The following ARHGEF10 variants were observed in gnomAD, a reference collection of about 807,000 sequenced individuals.
The protein encoded by ARHGEF10 is Rho guanine nucleotide exchange factor (GEF) 10.
A neutral mutation model predicts 147.4 loss-of-function variants in ARHGEF10; 140 were observed. The observed-to-expected ratio is 0.95, with a 90% CI of 0.83 to 1.09. The LOEUF (loss-of-function observed/expected upper bound fraction) is 1.09, where lower values mean the gene tolerates loss of function less well. Ranked by LOEUF, ARHGEF10 falls within the 50% of genes least tolerant of loss-of-function variation. The pLI, the probability that ARHGEF10 is intolerant of heterozygous loss-of-function variation, is 0.00. For missense variants in ARHGEF10, 2,222 were observed against 1,752.7 expected, an observed-to-expected ratio of 1.27 and a Z score of -4.78; for synonymous variants, 902 against 695.8, an observed-to-expected ratio of 1.30 and a Z score of -4.67.
intron 1 of ARHGEF10, among the ~76,000 whole-genome samples, 168 bp downstream of exon 1, chr8:1,824,281 C>A (rs1486699600): frequency 6.6e-6 from 1 of 151,978 alleles, no homozygotes; most frequent in Non-Finnish European, 1.5e-5. Flanking sequence ...CCCCCTCCCC[C>A]CGAGCAGCTC....
At chr8:1,829,765 C>A (rs533800552) in intron 1 of ARHGEF10, among the ~76,000 whole-genome samples, 1 of 152,262 alleles carries the variant, frequency 6.6e-6, no homozygotes, top group East Asian at 1.9e-4. Context: ...CGCTGCACGG[C>A]GGCGCAGCGC....
At chr8:1,953,042 T>A (rs1427101082) in intron 28 of ARHGEF10, among the ~76,000 whole-genome samples, 4 of 152,296 alleles carry the variant, frequency 2.6e-5, no homozygotes, top group African/African-American at 9.6e-5. Flanking sequence ...AGGAGAATCT[T>A]ATGTTTTTAT....
At chr8:1,831,836 T>C (rs1803130476) in intron 1 of ARHGEF10, among the ~76,000 whole-genome samples, 1 of 152,226 alleles carries the variant, frequency 6.6e-6, no homozygotes. Flanking sequence ...CAGCTTTTTC[T>C]CATTCTCACC....
chr8:1,871,105 T>G (rs1014541323), intron 7 of ARHGEF10: 80 of 92,528 alleles, frequency 8.6e-4, no homozygotes, highest in Non-Finnish European at 1.2e-3. Flanking sequence ...GAGTGAAAAC[T>G]CTGTGTCAAA....
In ARHGEF10 at chr8:1,952,744, A is replaced by G. The variant is rs1164808350; in HGVS notation, c.3437A>G (p.His1146Arg). 6.2e-7 allele frequency: 1 copy of G among 1,613,220 alleles called. No homozygotes were observed. The highest frequency in any genetic ancestry group is 8.5e-7 in the Non-Finnish European group (1 of 1,180,008). The change falls in exon 28 of 29, where the codon CAC becomes CGC. Residue 1146 changes from histidine (H) to arginine (R), a missense_variant. Transcript: ENST00000349830. Reference sequence around the variant, plus strand: ...TCGGTGACGAGCCTGCTCGTCTGCCACGGATTGCTGATGGTCGGCACCAGC... The same window carrying G: ...TCGGTGACGAGCCTGCTCGTCTGCCGCGGATTGCTGATGGTCGGCACCAGC... ...RLSVTSLLVC[H>R]GLLMVGTSLG...
Position 1,860,079 on chromosome 8 carries a change from T to G in ARHGEF10, c.376T>G (p.Leu126Val). 2.5e-6 allele frequency: 4 copies of G among 1,614,086 alleles called. No individual in the cohort carries two copies. The highest frequency in any genetic ancestry group is 3.4e-6 in the Non-Finnish European group (4 of 1,179,956). The change falls in exon 4 of 29, where the codon TTG becomes GTG. Residue 126 changes from leucine (L) to valine (V), a missense_variant. Coordinates refer to ENST00000349830, the MANE Select transcript of ARHGEF10 (RefSeq NM_014629.4). Reference protein sequence around the residue: ...NVGLHVPCGYLVPVPCGYAVP... With the variant: ...NVGLHVPCGYVVPVPCGYAVP... ...GGGTCTCCATGTGCCCTGCGGGTAC[T>G]TGGTGCCTGTACCCTGCGGCTATGC... is the stretch of plus-strand genomic sequence containing the variant.
At chr8:1,924,246 C>T (rs1439931288) in intron 21 of ARHGEF10, among the ~76,000 whole-genome samples, 1 of 152,124 alleles carries the variant, frequency 6.6e-6, no homozygotes, top group Non-Finnish European at 1.5e-5. Flanking sequence ...CTTGGCCCTT[C>T]TGCTCACCCC....
intron 2 of ARHGEF10, among the ~76,000 whole-genome samples, chr8:1,850,767 A>T (rs2129060773): frequency 6.6e-6 from 1 of 152,276 alleles, no homozygotes; most frequent in South Asian, 2.1e-4. Context: ...TAGCAGCTTT[A>T]TTCATAATTG....
chr8:1,957,046 A>T lies in ARHGEF10; in HGVS notation c.3818A>T (p.Glu1273Val). ...TTGTCTCACGGCTCCAGCTCTCTAG[A>T]GCACAGATCAGAGGACAGCACCATC... ...LSLSHGSSSLEHRSEDSTIYD... is the reference protein window; with the variant it reads ...LSLSHGSSSLVHRSEDSTIYD... Residue 1273 changes from glutamate to valine, a missense_variant, in exon 29 of 29, where the codon GAG (glutamate) becomes GTG (valine). Transcript: ENST00000349830. 1 of 1,613,770 alleles carries T rather than the reference A, an allele frequency of 6.2e-7. No individual in the cohort carries two copies. Among genetic ancestry groups the T allele is most frequent in the Non-Finnish European group, 8.5e-7 (1 of 1,179,938 alleles).
intron 26 of ARHGEF10, among the ~76,000 whole-genome samples, chr8:1,936,110 G>C (rs1303821227): frequency 1.4e-5 from 2 of 142,396 alleles, no homozygotes; most frequent in Non-Finnish European, 3.0e-5. Flanking sequence ...AGGTTGCGCT[G>C]TCTTGTTTTT....
In ARHGEF10 at chr8:1,925,264, T is replaced by C; in HGVS notation, c.2489-19T>C. On this transcript the variant is annotated intron_variant, in intron 21 of 28. Coordinates refer to ENST00000349830, the MANE Select transcript of ARHGEF10 (RefSeq NM_014629.4). ...AGTTAACTGCATTCTTGCTCATTTC[T>C]CTCTGAATATAATTGCAGAAGAGGA... The C allele has an allele frequency of 6.2e-7, 1 of 1,614,144 alleles. No individual in the cohort carries two copies. The highest frequency in any genetic ancestry group is 1.3e-5 in the African/African-American group (1 of 75,060).
rs553433408 is a variant in ARHGEF10 at position 1,859,989 on chromosome 8, G to A, written c.286G>A (p.Asp96Asn). The change falls in exon 4 of 29, where the codon GAC becomes AAC. Residue 96 changes from aspartate to asparagine, a missense_variant. Physicochemically the swap from Asp to Asn is conservative, Grantham distance 23. Transcript: ENST00000349830. Reference sequence around the variant, plus strand: ...GAAAGTCAACCCATATTCTGTCATCGACATCACGCCATTCCAGGAGGACCA... The same window carrying A: ...GAAAGTCAACCCATATTCTGTCATCAACATCACGCCATTCCAGGAGGACCA... ...PMKVNPYSVI[D>N]ITPFQEDQPP... is the part of the protein sequence containing the mutation. 4.3e-5 allele frequency: 69 copies of A among 1,614,108 alleles called. No homozygotes were observed. The highest frequency in any genetic ancestry group is 2.7e-4 in the East Asian group (12 of 44,866).
In ARHGEF10 at chr8:1,883,262, G is replaced by A. The variant is rs185983758; in HGVS notation, c.1075+513G>A. 3.6e-3 allele frequency among the ~76,000 whole-genome samples: 554 copies of A among 152,196 alleles called. 2 individuals are homozygous for A. The highest frequency in any genetic ancestry group is 6.8e-3 in the Middle Eastern group (2 of 294). ...AAAAGGCAGGTGGTGTGGAGGTGTC[G>A]TGCACGGCGGCAACAAGCAGCAGGC... is the stretch of plus-strand genomic sequence containing the variant. On this transcript the variant is annotated intron_variant, in intron 10 of 28. Coordinates refer to ENST00000349830, the MANE Select transcript of ARHGEF10 (RefSeq NM_014629.4).
At chr8:1,942,339 C>G (rs1026331410) in intron 26 of ARHGEF10, among the ~76,000 whole-genome samples, 1 of 151,286 alleles carries the variant, frequency 6.6e-6, no homozygotes, top group African/African-American at 2.4e-5. Context: ...ACAGTCGACC[C>G]ATAGGCACAC....
intron 27 of ARHGEF10, among the ~76,000 whole-genome samples, chr8:1,951,037 C>A (rs2129287159): frequency 6.6e-6 from 1 of 152,340 alleles, no homozygotes; most frequent in African/African-American, 2.4e-5. Flanking sequence ...AGCGGGGCTG[C>A]TTCCCATCCT....
At chr8:1,862,301 G>A (rs1469944429) in intron 4 of ARHGEF10, among the ~76,000 whole-genome samples, 4 of 152,262 alleles carry the variant, frequency 2.6e-5, no homozygotes, top group Non-Finnish European at 5.9e-5. Flanking sequence ...GGCCTGCGGT[G>A]GGAGGTTGCA....
intron 25 of ARHGEF10, among the ~76,000 whole-genome samples, chr8:1,929,955 G>A (rs991225344): frequency 6.6e-6 from 1 of 152,296 alleles, no homozygotes; most frequent in Non-Finnish European, 1.5e-5. Context: ...CCCCGCAGCC[G>A]CTGGGGGTGG....
At position 1,906,042 on chromosome 8, in the gene ARHGEF10, C is replaced by G. The variant is rs571164670; in HGVS notation, c.1967+326C>G. ...CTTTTTCTTATGGTTTAAATTCTCT[C>G]TTTACCTGCTTCTCTATAAATATAT... On this transcript the variant is annotated intron_variant, in intron 17 of 28. Coordinates refer to ENST00000349830, the MANE Select transcript of ARHGEF10 (RefSeq NM_014629.4). Among the ~76,000 whole-genome samples the G allele has an allele frequency of 2.6e-5, 4 of 152,286 alleles. No individual in the cohort carries two copies. In the South Asian group the frequency reaches 6.2e-4, roughly 24 times the overall value.
chr8:1,947,183 G>T (rs1378407829), intron 27 of ARHGEF10, among the ~76,000 whole-genome samples: 2 of 152,210 alleles, frequency 1.3e-5, no homozygotes, highest in East Asian at 3.9e-4. Context: ...TCACGCGGCA[G>T]TGAGTGTCCA....
Sources: allele counts gnomAD v4.1 joint callset (sites outside exome capture counted in the v4.1 genomes callset), GRCh38; gene constraint gnomAD v4.1.1; transcripts MANE v1.5; gene names NCBI Gene and HGNC (gene_info 2026-07-23, HGNC 2026-07-21).